LAMA2: variants seen among roughly 807,000 people sequenced by gnomAD.
LAMA2 encodes the protein laminin subunit alpha-2.
A neutral mutation model predicts 364.8 loss-of-function variants in LAMA2; 269 were observed. The observed-to-expected ratio is 0.74, with a 90% CI of 0.67 to 0.82. The LOEUF (loss-of-function observed/expected upper bound fraction) is 0.82, where lower values mean the gene tolerates loss of function less well. LAMA2 is among the 40% of genes least tolerant of loss of function. LAMA2 has a pLI of 0.00. For missense variants in LAMA2, 3,807 were observed against 3,873.2 expected (o/e 0.98, Z 0.45); for synonymous variants, 1,379 against 1,370.6 (o/e 1.01, Z -0.14).
At chr6:129,076,665 A>G (rs939933485) in intron 3 of LAMA2, among the ~76,000 whole-genome samples, 1 of 151,582 alleles carries the variant, frequency 6.6e-6, no homozygotes, top group Non-Finnish European at 1.5e-5. Context: ...AATTAAGGAA[A>G]TAGCCAATAA....
intron 41 of LAMA2, among the ~76,000 whole-genome samples, chr6:129,433,737 A>G (rs996959546): frequency 1.3e-5 from 2 of 152,184 alleles, no homozygotes; most frequent in African/African-American, 4.8e-5. Context: ...ATAAAAACGA[A>G]ATAAACTTAG....
intron 41 of LAMA2, among the ~76,000 whole-genome samples, chr6:129,431,204 G>C (rs962779926): frequency 2.0e-5 from 3 of 152,044 alleles, no homozygotes; most frequent in Admixed American, 6.6e-5. Context: ...TTTGAGACCA[G>C]CATGGCCAGC....
At chr6:128,967,127 A>C (rs143088426) in intron 1 of LAMA2, among the ~76,000 whole-genome samples, 2 of 152,236 alleles carry the variant, frequency 1.3e-5, no homozygotes, top group African/African-American at 4.8e-5. Context: ...TTGCTGCCAC[A>C]ATGCTTTCAG....
intron 1 of LAMA2, among the ~76,000 whole-genome samples, chr6:129,007,429 A>G (rs1404379489): frequency 6.6e-6 from 1 of 152,108 alleles, no homozygotes; most frequent in Non-Finnish European, 1.5e-5. Flanking sequence ...AATAAATAAG[A>G]AGTGAATTGA....
At chr6:129,093,450 A>G (rs1157643744) in intron 3 of LAMA2, among the ~76,000 whole-genome samples, 2 of 152,148 alleles carry the variant, frequency 1.3e-5, no homozygotes, top group Non-Finnish European at 2.9e-5. Context: ...ACTTCAAGCT[A>G]TGAGGTCTCC....
chr6:129,115,675 G>T (rs1177909750), intron 4 of LAMA2, among the ~76,000 whole-genome samples: 1 of 152,040 alleles, frequency 6.6e-6, no homozygotes, highest in Non-Finnish European at 1.5e-5. Context: ...CTTTAGTCTG[G>T]TAACAGGTGG....
At position 129,300,755 on chromosome 6, in the gene LAMA2, G is replaced by C; in HGVS notation, c.3057G>C (p.Leu1019=). 6.2e-7 allele frequency: 1 copy of C among 1,613,630 alleles called. No individual in the cohort carries two copies. The highest frequency in any genetic ancestry group is 8.5e-7 in the Non-Finnish European group (1 of 1,179,668). ...GGCTACECSH[L]GNNCDPKTGR... ...GTGAAGCTTGTGAATGTTCTCATCTGGGTAATAATTGTGACCCAAAGACTG... is the reference window on the plus strand; with the variant it reads ...GTGAAGCTTGTGAATGTTCTCATCTCGGTAATAATTGTGACCCAAAGACTG... The change falls in exon 22 of 65, where the codon CTG becomes CTC. Residue 1019 remains leucine (L), a synonymous_variant. Transcript: ENST00000421865.
Position 129,123,612 on chromosome 6 carries a change from TAAGTG to T in LAMA2, c.640-20284_640-20280del, listed in dbSNP as rs202203951. 4.5e-3 allele frequency among the ~76,000 whole-genome samples: 685 copies of T among 152,232 alleles called. 7 individuals are homozygous for T. Among genetic ancestry groups the T allele is most frequent in the African/African-American group, 0.016 (659 of 41,534 alleles). ...GTGGACAACATGAAGGACATTATGT[TAAGTG>T]AAGTAAGCCAGGAGTGGAAGGACAA... On this transcript the variant is annotated intron_variant, in intron 4 of 64. Coordinates refer to ENST00000421865, the MANE Select transcript of LAMA2 (RefSeq NM_000426.4).
Position 129,312,861 on chromosome 6 carries a change from G to C in LAMA2, c.3175G>C (p.Ala1059Pro). The C allele has an allele frequency of 6.2e-7, 1 of 1,610,104 alleles. No homozygotes were observed. Among genetic ancestry groups the C allele is most frequent in the Non-Finnish European group, 8.5e-7 (1 of 1,176,440 alleles). Residue 1059 changes from alanine to proline, a missense_variant and splice_region_variant, in exon 23 of 65, where the codon GCT becomes CCT. Physicochemically the swap from Ala to Pro is conservative, Grantham distance 27. Around this residue, in one of 3 missense-constraint regions of LAMA2, gnomAD observed 3,333 missense variants for 3,345.7 expected, o/e 1.00. Transcript: ENST00000421865. ...GTTGCTGTTTTTATCTCCTCTATAG[G>C]CTTGTAACTGCAGCACAGTGGGATC... ...WGHSITTGCK[A>P]CNCSTVGSLD...
At chr6:129,278,495 G>A (rs1295746662) in intron 17 of LAMA2, among the ~76,000 whole-genome samples, 1 of 152,194 alleles carries the variant, frequency 6.6e-6, no homozygotes, top group African/African-American at 2.4e-5. Flanking sequence ...GGATGTGGAT[G>A]AGAGGAAATC....
At chr6:129,304,033 A>G (rs1773710513) in intron 22 of LAMA2, among the ~76,000 whole-genome samples, 1 of 152,174 alleles carries the variant, frequency 6.6e-6, no homozygotes, top group Non-Finnish European at 1.5e-5. Context: ...AAAGATCAGT[A>G]AAGTTGGTAA....
chr6:129,158,758 T>C (rs2114983402), intron 8 of LAMA2: 1 of 1,614,220 alleles, frequency 6.2e-7, no homozygotes, highest in Non-Finnish European at 8.5e-7. Flanking sequence ...AACATTCTAT[T>C]GTCCGGCGTA....
At position 129,192,793 on chromosome 6, in the gene LAMA2, C is replaced by A. The variant is rs777308198; in HGVS notation, c.1722C>A (p.Ala574=). 4 of 1,614,056 alleles carry A rather than the reference C, an allele frequency of 2.5e-6. No individual in the cohort carries two copies. The African/African-American group carries it at 4.0e-5, about 16-fold the overall frequency. ...AGATCAGCATCAGTAACGCGGAGGC[C>A]CGGCAAGCCCTGCCGCACAGCTACT... ...PQQISISNAE[A]RQALPHSYYW... is the part of the protein sequence containing the mutation. The change falls in exon 12 of 65, where the codon GCC becomes GCA. Residue 574 remains alanine (A), a synonymous_variant. Transcript: ENST00000421865.
chr6:128,883,910 T>C (rs1265696259), intron 1 of LAMA2, among the ~76,000 whole-genome samples: 1 of 151,830 alleles, frequency 6.6e-6, no homozygotes, highest in Non-Finnish European at 1.5e-5. Context: ...AGTTATGTGG[T>C]TTTTTTTCTT....
intron 37 of LAMA2, among the ~76,000 whole-genome samples, chr6:129,397,011 GAAAAT>G (rs1562526493): frequency 6.8e-6 from 1 of 146,878 alleles, no homozygotes; most frequent in African/African-American, 2.5e-5. Flanking sequence ...AAAAGAAAAA[GAAAAT>G]AAAAGAAAAC....
chr6:128,981,204 T>A (rs1421722422), intron 1 of LAMA2, among the ~76,000 whole-genome samples: 1 of 152,140 alleles, frequency 6.6e-6, no homozygotes, highest in Non-Finnish European at 1.5e-5. Flanking sequence ...TCTCCCTAAC[T>A]CAGATAATGA....
chr6:129,327,774 C>A (rs1775388781), intron 28 of LAMA2, among the ~76,000 whole-genome samples: 1 of 152,164 alleles, frequency 6.6e-6, no homozygotes, highest in South Asian at 2.1e-4. Context: ...AGTCGCAAGA[C>A]ATGTACAGCT....
intron 51 of LAMA2, among the ~76,000 whole-genome samples, chr6:129,471,038 C>T (rs1554302942): frequency 1.3e-5 from 2 of 151,738 alleles, no homozygotes; most frequent in South Asian, 2.1e-4. Flanking sequence ...AGTAAAAACA[C>T]TTAGCTTATA....
chr6:129,075,975 A>G (rs899218176), intron 3 of LAMA2, among the ~76,000 whole-genome samples: 2 of 151,972 alleles, frequency 1.3e-5, no homozygotes, highest in Non-Finnish European at 2.9e-5. Flanking sequence ...AGTCCCAGCT[A>G]CTCAGGAGGT....
Sources: gnomAD v4.1 joint callset for allele counts (sites outside exome capture counted in the v4.1 genomes callset) on GRCh38, gnomAD v4.1.1 for gene constraint, gnomAD v4.1.1 regional missense constraint, MANE v1.5 for transcripts, NCBI Gene and HGNC (gene_info 2026-07-23, HGNC 2026-07-21) for gene names.